The following CDH13 variants were observed in gnomAD, a reference collection of about 807,000 sequenced individuals.
The protein encoded by CDH13 is cadherin-13.
A neutral mutation model predicts 63.8 loss-of-function variants in CDH13; 24 were observed. The observed-to-expected ratio is 0.38, with a 90% CI of 0.27 to 0.53. The LOEUF (loss-of-function observed/expected upper bound fraction) is 0.53, where lower values mean the gene tolerates loss of function less well. CDH13 is among the 20% of genes least tolerant of loss of function. The pLI, the probability that CDH13 is intolerant of heterozygous loss-of-function variation, is 0.85. For missense variants in CDH13, 1,049 were observed against 903.1 expected (o/e 1.16, Z -2.07); for synonymous variants, 503 against 355.3 (o/e 1.42, Z -4.67).
Position 83,298,276 on chromosome 16 carries a change from G to A in CDH13, c.637-46586G>A, listed in dbSNP as rs534057511. 6.6e-5 allele frequency among the ~76,000 whole-genome samples: 10 copies of A among 151,934 alleles called. No individual in the cohort carries two copies. The East Asian group carries it at 1.8e-3, about 27-fold the overall frequency. On this transcript the variant is annotated intron_variant, in intron 5 of 13. Coordinates refer to ENST00000567109, the MANE Select transcript of CDH13 (RefSeq NM_001257.5). ...GAGACAAAATGAGATGAGACGAGATGAGAAAAGAAAAAGAAAAGGGAAGAA... is the reference window on the plus strand; with the variant it reads ...GAGACAAAATGAGATGAGACGAGATAAGAAAAGAAAAAGAAAAGGGAAGAA...
intron 8 of CDH13, among the ~76,000 whole-genome samples, chr16:83,625,674 C>G (rs543932711): frequency 6.6e-6 from 1 of 152,310 alleles, no homozygotes; most frequent in African/African-American, 2.4e-5. Context: ...TTGTAATTAG[C>G]TGGAGCACAT....
At chr16:83,107,352 C>A (rs1226121706) in intron 3 of CDH13, among the ~76,000 whole-genome samples, 1 of 152,092 alleles carries the variant, frequency 6.6e-6, no homozygotes, top group East Asian at 1.9e-4. Flanking sequence ...TGGTGATTCT[C>A]TCCTCAGCTA....
intron 8 of CDH13, among the ~76,000 whole-genome samples, chr16:83,608,747 A>G (rs546051696): frequency 6.6e-6 from 1 of 151,604 alleles, no homozygotes; most frequent in South Asian, 2.1e-4. Context: ...GGCCCAAGCA[A>G]TCCACCCACC....
intron 4 of CDH13, among the ~76,000 whole-genome samples, chr16:83,186,542 ATTGTT>A (rs1024506350): frequency 6.0e-5 from 9 of 151,256 alleles, no homozygotes; most frequent in Admixed American, 2.6e-4. Context: ...TTTTGTTGTT[ATTGTT>A]TTGTTTTTCT....
At chr16:83,224,352 CCT>C (rs1275166461) in intron 5 of CDH13, among the ~76,000 whole-genome samples, 1 of 152,216 alleles carries the variant, frequency 6.6e-6, no homozygotes. Context: ...GACTTCTTTT[CCT>C]CTGTGTAGAT....
chr16:83,494,505 A>C (rs1251248358), intron 7 of CDH13, among the ~76,000 whole-genome samples: 1 of 152,216 alleles, frequency 6.6e-6, no homozygotes, highest in Non-Finnish European at 1.5e-5. Flanking sequence ...CCAGCAGAGA[A>C]AAATAAGAAA....
At chr16:82,902,515 A>T (rs915144497) in intron 2 of CDH13, among the ~76,000 whole-genome samples, 2 of 151,658 alleles carry the variant, frequency 1.3e-5, no homozygotes, top group African/African-American at 4.8e-5. Flanking sequence ...CTCCTGATTA[A>T]TTCTCATTTT....
intron 1 of CDH13, among the ~76,000 whole-genome samples, chr16:82,663,063 A>G (rs1468308629): frequency 6.6e-6 from 1 of 152,228 alleles, no homozygotes; most frequent in Non-Finnish European, 1.5e-5. Flanking sequence ...TGGGAGGGGC[A>G]TCCTCCCCCT....
chr16:83,379,621 A>G (rs2091519777), intron 6 of CDH13, among the ~76,000 whole-genome samples: 1 of 152,074 alleles, frequency 6.6e-6, no homozygotes. Context: ...ATGATACTAT[A>G]TATTTGCCAG....
At chr16:83,561,913 T>A (rs540490665) in intron 7 of CDH13, among the ~76,000 whole-genome samples, 4 of 152,176 alleles carry the variant, frequency 2.6e-5, no homozygotes, top group African/African-American at 4.8e-5. Flanking sequence ...GGGATTCAGA[T>A]GTCCAAAGGA....
At chr16:83,526,692 T>C (rs1430359536) in intron 7 of CDH13, among the ~76,000 whole-genome samples, 2 of 152,232 alleles carry the variant, frequency 1.3e-5, no homozygotes, top group Non-Finnish European at 2.9e-5. Flanking sequence ...TTGCTGCCAC[T>C]GTTTAAACAC....
intron 7 of CDH13, among the ~76,000 whole-genome samples, chr16:83,580,504 C>G (rs891205297): frequency 1.8e-5 from 2 of 112,920 alleles, no homozygotes; most frequent in African/African-American, 7.5e-5. Flanking sequence ...CTCTCTCTCT[C>G]TCTAAGTCAG....
chr16:83,447,066 A>C (rs1364688973), intron 6 of CDH13, among the ~76,000 whole-genome samples: 22 of 140,790 alleles, frequency 1.6e-4, no homozygotes, highest in South Asian at 2.4e-4. Context: ...AAAAAAAAAA[A>C]AAAAAAAACA....
At chr16:83,511,125 C>G (rs2074551883) in intron 7 of CDH13, among the ~76,000 whole-genome samples, 1 of 152,028 alleles carries the variant, frequency 6.6e-6, no homozygotes. Flanking sequence ...CACACATGCA[C>G]ATGTGCACAC....
intron 1 of CDH13, among the ~76,000 whole-genome samples, chr16:82,668,044 A>G (rs1397587265): frequency 6.6e-6 from 1 of 152,188 alleles, no homozygotes; most frequent in Non-Finnish European, 1.5e-5. Context: ...TTTAGAGATT[A>G]TCTGTGTGCC....
intron 7 of CDH13, among the ~76,000 whole-genome samples, chr16:83,552,476 G>A (rs576264100): frequency 5.3e-5 from 8 of 152,252 alleles, no homozygotes; most frequent in Admixed American, 1.3e-4. Flanking sequence ...ATGGCCCTCC[G>A]TCTCCTAGTC....
rs567726248 is a variant in CDH13, at chr16:83,186,016, A to AC, written c.484-31328dup. On this transcript the variant is annotated intron_variant, in intron 4 of 13. Transcript: ENST00000567109. ...CTTAGAGGAGATATTTTCCTGATAA[A>AC]CAGCATTTAGTCATTTAGTCATTAA... 1.5e-4 allele frequency among the ~76,000 whole-genome samples: 23 copies of AC among 152,218 alleles called. No individual in the cohort carries two copies. The East Asian group carries it at 2.7e-3, about 18-fold the overall frequency.
chr16:82,715,387 C>T (rs533630373), intron 1 of CDH13, among the ~76,000 whole-genome samples: 5 of 152,236 alleles, frequency 3.3e-5, no homozygotes, highest in African/African-American at 4.8e-5. Context: ...GGCCCCGCCC[C>T]ATGCTCTGGT....
chr16:83,348,378 C>T (rs1057420171), intron 6 of CDH13, among the ~76,000 whole-genome samples: 1 of 152,188 alleles, frequency 6.6e-6, no homozygotes, highest in Non-Finnish European at 1.5e-5. Flanking sequence ...CATTGAATCA[C>T]CTCTAGGGTT....
Sources: allele counts gnomAD v4.1 joint callset (sites outside exome capture counted in the v4.1 genomes callset), GRCh38; gene constraint gnomAD v4.1.1; transcripts MANE v1.5; gene names NCBI Gene and HGNC (gene_info 2026-07-23, HGNC 2026-07-21).